The following NOL4 variants were observed in gnomAD, a reference collection of about 807,000 sequenced individuals.
NOL4 encodes the protein cancer/testis antigen 125.
In NOL4, 17 loss-of-function variants were observed where a neutral mutation model predicts 75.9. That is an observed-to-expected ratio of 0.22 (90% confidence interval 0.15 to 0.34). NOL4 has a LOEUF of 0.34. Ranked by LOEUF, NOL4 falls within the 10% of genes least tolerant of loss-of-function variation. The pLI, the probability that NOL4 is intolerant of heterozygous loss-of-function variation, is 1.00. For missense variants in NOL4, 614 were observed against 793.5 expected, an observed-to-expected ratio of 0.77 and a Z score of 2.72; for synonymous variants, 292 against 289.9, an observed-to-expected ratio of 1.01 and a Z score of -0.07.
intron 10 of NOL4, among the ~76,000 whole-genome samples, chr18:33,881,754 C>A (rs546203173): frequency 3.9e-5 from 6 of 152,282 alleles, no homozygotes; most frequent in Admixed American, 6.5e-5. Flanking sequence ...CAGGTCAATC[C>A]TAAGCCAAAA....
chr18:34,115,700 C>T (rs541052651), intron 2 of NOL4, among the ~76,000 whole-genome samples: 1 of 152,232 alleles, frequency 6.6e-6, no homozygotes, highest in Admixed American at 6.5e-5. Context: ...CCTTGCATTT[C>T]CCTGAAGAAC....
intron 9 of NOL4, among the ~76,000 whole-genome samples, chr18:33,900,062 A>G (rs2065657153): frequency 6.6e-6 from 1 of 152,150 alleles, no homozygotes; most frequent in African/African-American, 2.4e-5. Flanking sequence ...TTGCACTGCT[A>G]TAAAGAAATG....
chr18:34,142,023 C>T (rs2081190548), intron 1 of NOL4, among the ~76,000 whole-genome samples: 4 of 152,222 alleles, frequency 2.6e-5, no homozygotes, highest in South Asian at 4.1e-4. Context: ...GGGCAAAGGA[C>T]ATGAACAGAC....
intron 2 of NOL4, among the ~76,000 whole-genome samples, chr18:34,113,809 T>A (rs531707940): frequency 3.9e-5 from 6 of 152,314 alleles, no homozygotes; most frequent in Non-Finnish European, 8.8e-5. Context: ...TATGTGCCAA[T>A]CCTCTTCCAA....
At chr18:33,910,122 T>C (rs1217435397) in intron 9 of NOL4, among the ~76,000 whole-genome samples, 2 of 152,226 alleles carry the variant, frequency 1.3e-5, no homozygotes, top group East Asian at 3.8e-4. Flanking sequence ...CTCTTGAGGA[T>C]TTTGTTTAAT....
chr18:34,013,899 T>A (rs1453786203), intron 6 of NOL4, among the ~76,000 whole-genome samples: 1 of 151,878 alleles, frequency 6.6e-6, no homozygotes, highest in Non-Finnish European at 1.5e-5. Flanking sequence ...TGAATAAGAA[T>A]ACATGTTGTT....
At chr18:34,019,647 TTCAGAGTCTAC>T in intron 5 of NOL4, 46 bp from the exon 6 acceptor site, 1 of 1,543,766 alleles carries the variant, frequency 6.5e-7, no homozygotes, top group Non-Finnish European at 8.8e-7. Context: ...TAATATGCTA[TTCAGAGTCTAC>T]TTCAACTAGC....
intron 10 of NOL4, among the ~76,000 whole-genome samples, chr18:33,858,545 T>C (rs1015714244): frequency 2.6e-5 from 4 of 151,994 alleles, no homozygotes; most frequent in African/African-American, 7.2e-5. Flanking sequence ...GCTAAAGATA[T>C]CTAAAATATC....
At chr18:33,940,833 G>C (rs2068429983) in intron 9 of NOL4, among the ~76,000 whole-genome samples, 1 of 151,922 alleles carries the variant, frequency 6.6e-6, no homozygotes, top group Non-Finnish European at 1.5e-5. Context: ...AAAAAGGAGA[G>C]AATATGGAGA....
chr18:34,172,495 G>A (rs1483164640), intron 1 of NOL4, among the ~76,000 whole-genome samples: 2 of 152,082 alleles, frequency 1.3e-5, no homozygotes, highest in Non-Finnish European at 2.9e-5. Flanking sequence ...ACATGCGAGT[G>A]CAGATATCTC....
At chr18:34,004,090 A>G (rs2073896110) in intron 6 of NOL4, among the ~76,000 whole-genome samples, 1 of 152,076 alleles carries the variant, frequency 6.6e-6, no homozygotes, top group Non-Finnish European at 1.5e-5. Context: ...ACTACTTTTT[A>G]TTGATTCCAG....
intron 10 of NOL4, among the ~76,000 whole-genome samples, chr18:33,882,121 T>A (rs1013187985): frequency 2.0e-5 from 3 of 152,058 alleles, no homozygotes; most frequent in Non-Finnish European, 2.9e-5. Flanking sequence ...AACCTAGGCA[T>A]TACCATTCAG....
chr18:33,972,834 C>T (rs1286372088), intron 6 of NOL4, among the ~76,000 whole-genome samples: 1 of 152,142 alleles, frequency 6.6e-6, no homozygotes, highest in Non-Finnish European at 1.5e-5. Context: ...TAAAAAATGC[C>T]AAAAATCATT....
intron 6 of NOL4, among the ~76,000 whole-genome samples, chr18:33,995,334 A>G (rs765432085): frequency 1.4e-4 from 21 of 151,678 alleles, no homozygotes; most frequent in Non-Finnish European, 2.1e-4. Context: ...ACTATTTTTT[A>G]TAAATATGGA....
chr18:34,019,391 C>T lies in NOL4; in HGVS notation c.983G>A (p.Gly328Glu). The part of the protein sequence containing the change: ...EYRIDDHNSN[G>E]KNKYKNLLIS... ...TAGAAGATTCTTATACTTGTTTTTC[C>T]CATTACTGTTGTGATCATCTATTCT... Residue 328 changes from glycine to glutamate, a missense_variant, in exon 6 of 11, where the codon GGG becomes GAG. Coordinates refer to ENST00000261592, the MANE Select transcript of NOL4 (RefSeq NM_003787.5). 3 of 1,613,864 alleles carry T rather than the reference C, an allele frequency of 1.9e-6. No homozygotes were observed. The highest frequency in any genetic ancestry group is 2.5e-6 in the Non-Finnish European group (3 of 1,179,954).
chr18:34,058,519 T>C (rs1384145386), intron 5 of NOL4, among the ~76,000 whole-genome samples: 2 of 152,200 alleles, frequency 1.3e-5, no homozygotes, highest in Non-Finnish European at 2.9e-5. Flanking sequence ...CCTGCTGGCT[T>C]TCATGTCTTG....
At chr18:34,222,620 G>A (rs983393611) in intron 1 of NOL4, 3 of 299,686 alleles carry the variant, frequency 1.0e-5, no homozygotes, top group African/African-American at 6.8e-5. Context: ...AGGCGCGGTG[G>A]CGGCGGTGGG....
At chr18:34,151,047 T>C (rs535889681) in intron 1 of NOL4, among the ~76,000 whole-genome samples, 1 of 151,668 alleles carries the variant, frequency 6.6e-6, no homozygotes, top group Non-Finnish European at 1.5e-5. Context: ...AAGGCCAAAA[T>C]TCAAAACACT....
intron 1 of NOL4, chr18:34,157,058 T>TCTCCAA (rs1408405737): frequency 2.0e-5 from 3 of 152,198 alleles, no homozygotes; most frequent in African/African-American, 7.2e-5. Flanking sequence ...TCCAGCAACT[T>TCTCCAA]ACATGTTTGG....
Sources: gnomAD v4.1 joint callset for allele counts (sites outside exome capture counted in the v4.1 genomes callset) on GRCh38, gnomAD v4.1.1 for gene constraint, MANE v1.5 for transcripts, NCBI Gene and HGNC (gene_info 2026-07-23, HGNC 2026-07-21) for gene names.